The following SPMIP2 variants were observed in gnomAD, a reference collection of about 807,000 sequenced individuals.
SPMIP2 encodes the protein protein SPMIP2.
chr4:159,066,144 C>A, the SPMIP2 span, among the ~76,000 whole-genome samples: 1 of 152,014 alleles, frequency 6.6e-6, no homozygotes, highest in Non-Finnish European at 1.5e-5. Context: ...TTCCATTTAC[C>A]TTTTACGCAA....
the SPMIP2 span, among the ~76,000 whole-genome samples, chr4:158,901,996 TCAAACTCAATTCTC>T: frequency 6.6e-6 from 1 of 152,100 alleles, no homozygotes; most frequent in African/African-American, 2.4e-5. Context: ...TGTCAATTCA[TCAAACTCAATTCTC>T]CATCCAGTTT....
chr4:159,074,723 GA>G, the SPMIP2 span, among the ~76,000 whole-genome samples: 2 of 152,158 alleles, frequency 1.3e-5, no homozygotes, highest in Non-Finnish European at 2.9e-5. Flanking sequence ...TTGACCAGAA[GA>G]AGGAGGATAT....
At chr4:158,988,868 A>C in the SPMIP2 span, among the ~76,000 whole-genome samples, 1 of 152,202 alleles carries the variant, frequency 6.6e-6, no homozygotes, top group Non-Finnish European at 1.5e-5. Flanking sequence ...TCAATGTAGT[A>C]TTGGAAGTTC....
the SPMIP2 span, among the ~76,000 whole-genome samples, chr4:159,045,237 A>G: frequency 6.6e-6 from 1 of 152,224 alleles, no homozygotes; most frequent in Non-Finnish European, 1.5e-5. Context: ...TCCAGATAAA[A>G]TATTTGAAAA....
chr4:159,055,323 G>A, the SPMIP2 span, among the ~76,000 whole-genome samples: 1 of 152,130 alleles, frequency 6.6e-6, no homozygotes, highest in African/African-American at 2.4e-5. Context: ...ATTTACAAAT[G>A]TCATGGGAAA....
chr4:159,047,329 G>A, the SPMIP2 span, among the ~76,000 whole-genome samples: 1 of 151,998 alleles, frequency 6.6e-6, no homozygotes, highest in Non-Finnish European at 1.5e-5. Context: ...ACATTTATTT[G>A]TGTCTGAAAC....
the SPMIP2 span, among the ~76,000 whole-genome samples, chr4:158,912,896 G>C: frequency 6.6e-6 from 1 of 152,284 alleles, no homozygotes; most frequent in South Asian, 2.1e-4. Flanking sequence ...CTACTCTCAG[G>C]AATAATGGGT....
chr4:159,012,825 G>A, the SPMIP2 span, among the ~76,000 whole-genome samples: 1,698 of 151,930 alleles, frequency 0.011, 13 homozygotes, highest in Non-Finnish European at 0.017. Flanking sequence ...CTCCCACCTC[G>A]GCCTCCCAAA....
At chr4:158,917,043 G>A in the SPMIP2 span, among the ~76,000 whole-genome samples, 1 of 152,174 alleles carries the variant, frequency 6.6e-6, no homozygotes, top group Non-Finnish European at 1.5e-5. Flanking sequence ...GAGGTCAGGG[G>A]ATCAAGACCA....
the SPMIP2 span, chr4:159,026,417 G>A: frequency 1.0e-6 from 1 of 989,740 alleles, no homozygotes; most frequent in African/African-American, 1.6e-5. Flanking sequence ...CATCAGGAGT[G>A]GGATGGGAAG....
chr4:158,986,447 A>G, the SPMIP2 span, among the ~76,000 whole-genome samples: 2 of 152,228 alleles, frequency 1.3e-5, no homozygotes, highest in Non-Finnish European at 2.9e-5. Flanking sequence ...ATATAGATCA[A>G]TGGAACAGAA....
At chr4:158,951,828 A>G in the SPMIP2 span, among the ~76,000 whole-genome samples, 1 of 152,170 alleles carries the variant, frequency 6.6e-6, no homozygotes, top group Non-Finnish European at 1.5e-5. Context: ...GGATGGATGA[A>G]AGTTCAGATT....
At chr4:159,058,268 C>T in the SPMIP2 span, among the ~76,000 whole-genome samples, 1 of 150,392 alleles carries the variant, frequency 6.6e-6, no homozygotes, top group Non-Finnish European at 1.5e-5. Flanking sequence ...GTCATGTCTG[C>T]AGGCAGAAGC....
the SPMIP2 span, among the ~76,000 whole-genome samples, chr4:158,983,380 T>C: frequency 6.5e-4 from 98 of 150,746 alleles, no homozygotes; most frequent in African/African-American, 2.3e-3. Context: ...AAAGTTGAAA[T>C]GAAGGAAAAA....
the SPMIP2 span, among the ~76,000 whole-genome samples, chr4:159,027,038 T>G: frequency 6.6e-6 from 1 of 151,756 alleles, no homozygotes; most frequent in Non-Finnish European, 1.5e-5. Context: ...CTGTGTTGAG[T>G]TAGGTGACCA....
At chr4:158,944,632 T>C in the SPMIP2 span, among the ~76,000 whole-genome samples, 1 of 152,210 alleles carries the variant, frequency 6.6e-6, no homozygotes, top group Non-Finnish European at 1.5e-5. Flanking sequence ...AAACCTGGAA[T>C]CCACCTGAAC....
the SPMIP2 span, among the ~76,000 whole-genome samples, chr4:159,010,681 G>A: frequency 6.6e-6 from 1 of 152,136 alleles, no homozygotes; most frequent in Admixed American, 6.5e-5. Flanking sequence ...TCGGGGCAGC[G>A]TTTGTTTCTG....
the SPMIP2 span, among the ~76,000 whole-genome samples, chr4:158,952,898 A>G: frequency 6.6e-6 from 1 of 152,160 alleles, no homozygotes; most frequent in African/African-American, 2.4e-5. Context: ...CTTGAGAGAG[A>G]TGATTTAGCG....
the SPMIP2 span, among the ~76,000 whole-genome samples, chr4:158,908,589 C>T: frequency 2.6e-5 from 4 of 152,198 alleles, no homozygotes; most frequent in African/African-American, 9.6e-5. Context: ...AGTTTGGTAG[C>T]TATGGTACCC....
Sources: allele counts gnomAD v4.1 joint callset (sites outside exome capture counted in the v4.1 genomes callset), GRCh38; gene constraint gnomAD v4.1.1; transcripts MANE v1.5; gene names NCBI Gene and HGNC (gene_info 2026-07-23, HGNC 2026-07-21).